Variants in MAD1L1 observed in about 807,000 individuals in gnomAD.
The protein encoded by MAD1L1 is mitotic spindle assembly checkpoint protein MAD1.
In MAD1L1, 95 loss-of-function variants were observed where a neutral mutation model predicts 96.9. The observed-to-expected ratio is 0.98, with a 90% confidence interval of 0.83 to 1.16. MAD1L1 has a LOEUF of 1.16. Ranked by LOEUF, MAD1L1 falls within the 50% of genes most tolerant of loss-of-function variation. The probability of loss-of-function intolerance (pLI) is 0.00; values close to 1 mark genes in which losing one functional copy is unlikely to be tolerated. For missense variants in MAD1L1, 1,007 were observed against 954.4 expected (o/e 1.06, Z -0.73); for synonymous variants, 473 against 396.6 (o/e 1.19, Z -2.29).
intron 18 of MAD1L1, among the ~76,000 whole-genome samples, chr7:1,869,121 C>T (rs1784920440): frequency 6.6e-6 from 1 of 152,160 alleles, no homozygotes; most frequent in African/African-American, 2.4e-5. Flanking sequence ...AGCAACGATC[C>T]ATGCCCAGGC....
intron 18 of MAD1L1, among the ~76,000 whole-genome samples, chr7:1,893,550 G>A (rs1163353880): frequency 6.6e-6 from 1 of 152,104 alleles, no homozygotes; most frequent in African/African-American, 2.4e-5. Flanking sequence ...GTGGGGCAGG[G>A]GGCCTGTCTC....
In MAD1L1 at chr7:1,949,704, C is replaced by T. The variant is rs973518887; in HGVS notation, c.1596+7925G>A. 4.6e-5 allele frequency among the ~76,000 whole-genome samples: 7 copies of T among 152,348 alleles called. No homozygotes were observed. In the East Asian group the frequency reaches 9.7e-4, roughly 21 times the overall value. ...GCTCTCATCCGTTTCTCTGCAGATA[C>T]GCCCAGGAACCAAAGGACATCGGTC... is the stretch of plus-strand genomic sequence containing the variant. On this transcript the variant is annotated intron_variant, in intron 16 of 18. Coordinates refer to ENST00000265854, the MANE Select transcript of MAD1L1 (RefSeq NM_001013836.2).
intron 12 of MAD1L1, among the ~76,000 whole-genome samples, chr7:2,024,546 C>A (rs1180849474): frequency 6.6e-6 from 1 of 152,168 alleles, no homozygotes; most frequent in African/African-American, 2.4e-5. Flanking sequence ...ACAATGAGAC[C>A]CCTCCCTGTA....
chr7:1,902,990 G>A (rs533373649), intron 17 of MAD1L1, among the ~76,000 whole-genome samples: 54 of 151,078 alleles, frequency 3.6e-4, no homozygotes, highest in African/African-American at 1.2e-3. Flanking sequence ...TACAGAAGAC[G>A]CTCTTGCGGA....
At chr7:2,023,245 C>T (rs1782862128) in intron 12 of MAD1L1, among the ~76,000 whole-genome samples, 1 of 152,132 alleles carries the variant, frequency 6.6e-6, no homozygotes, top group Non-Finnish European at 1.5e-5. Context: ...TCCTCTCAAA[C>T]TCATATGGAA....
chr7:2,145,557 C>G (rs1343891513), intron 11 of MAD1L1, among the ~76,000 whole-genome samples: 1 of 152,260 alleles, frequency 6.6e-6, no homozygotes, highest in Non-Finnish European at 1.5e-5. Context: ...TTCCTTCTTG[C>G]TCCAGGCTGG....
At chr7:1,955,928 T>C (rs1779707946) in intron 16 of MAD1L1, among the ~76,000 whole-genome samples, 1 of 142,560 alleles carries the variant, frequency 7.0e-6, no homozygotes, top group Non-Finnish European at 1.5e-5. Flanking sequence ...TGCAGAGTAG[T>C]ATAACTTCCA....
chr7:1,892,869 A>C (rs1488452051), intron 18 of MAD1L1, among the ~76,000 whole-genome samples: 2 of 152,120 alleles, frequency 1.3e-5, no homozygotes, highest in Non-Finnish European at 2.9e-5. Flanking sequence ...CCCAAACTGC[A>C]TTTGCTCTGT....
chr7:1,915,413 C>A (rs540227254), intron 17 of MAD1L1, among the ~76,000 whole-genome samples: 9 of 152,164 alleles, frequency 5.9e-5, no homozygotes, highest in Admixed American at 2.6e-4. Flanking sequence ...CCACGCGCTT[C>A]CCGGGACAGA....
At chr7:1,964,066 C>T (rs1372770770) in intron 15 of MAD1L1, among the ~76,000 whole-genome samples, 2 of 152,200 alleles carry the variant, frequency 1.3e-5, no homozygotes, top group African/African-American at 2.4e-5. Context: ...AGAAAGCCAT[C>T]TGAGAGGCCC....
At chr7:1,927,158 A>T (rs1789134877) in intron 17 of MAD1L1, among the ~76,000 whole-genome samples, 1 of 151,160 alleles carries the variant, frequency 6.6e-6, no homozygotes, top group Admixed American at 6.6e-5. Context: ...AACCAACAAA[A>T]CCATGTGTAT....
chr7:1,868,927 G>A (rs376843903), intron 18 of MAD1L1, among the ~76,000 whole-genome samples: 4 of 152,194 alleles, frequency 2.6e-5, no homozygotes, highest in East Asian at 1.9e-4. Flanking sequence ...GCACGGAAGC[G>A]CCGCCTCACC....
chr7:1,963,465 A>G (rs747877128), intron 15 of MAD1L1, among the ~76,000 whole-genome samples: 12 of 152,166 alleles, frequency 7.9e-5, no homozygotes, highest in Non-Finnish European at 1.6e-4. Flanking sequence ...ACAAGAGCAC[A>G]TGTCTGGGGG....
chr7:2,152,456 C>T (rs1037387605), intron 10 of MAD1L1, among the ~76,000 whole-genome samples: 5 of 152,244 alleles, frequency 3.3e-5, no homozygotes, highest in Admixed American at 1.3e-4. Context: ...AACCAAGCCT[C>T]ACGAGCCCTG....
At chr7:1,883,930 C>T (rs376736211) in intron 18 of MAD1L1, among the ~76,000 whole-genome samples, 3 of 152,226 alleles carry the variant, frequency 2.0e-5, no homozygotes, top group Non-Finnish European at 2.9e-5. Flanking sequence ...CCTGGATACC[C>T]GGGCCAGGGG....
chr7:2,201,409 T>C (rs1792290545), intron 10 of MAD1L1, among the ~76,000 whole-genome samples: 2 of 152,066 alleles, frequency 1.3e-5, no homozygotes, highest in South Asian at 4.2e-4. Flanking sequence ...GTGGACACCC[T>C]GGGAGCCCCT....
chr7:2,230,981 G>A (rs1794163419), intron 1 of MAD1L1, among the ~76,000 whole-genome samples: 1 of 152,180 alleles, frequency 6.6e-6, no homozygotes, highest in Non-Finnish European at 1.5e-5. Context: ...CCAGTCAGTT[G>A]ATGCCTGAAA....
At chr7:2,122,564 T>TG (rs1221642862) in intron 11 of MAD1L1, among the ~76,000 whole-genome samples, 2 of 151,934 alleles carry the variant, frequency 1.3e-5, no homozygotes, top group Admixed American at 1.3e-4. Context: ...ATCAGGCCAC[T>TG]TCACTCCAGC....
chr7:2,065,640 C>T (rs546140568), intron 12 of MAD1L1, among the ~76,000 whole-genome samples: 2 of 152,278 alleles, frequency 1.3e-5, no homozygotes, highest in East Asian at 1.9e-4. Flanking sequence ...CTCCAGAAGA[C>T]ACAAATCTGT....
Sources: gnomAD v4.1 joint callset for allele counts (sites outside exome capture counted in the v4.1 genomes callset) on GRCh38, gnomAD v4.1.1 for gene constraint, MANE v1.5 for transcripts, NCBI Gene and HGNC (gene_info 2026-07-23, HGNC 2026-07-21) for gene names.